The following RABL3 variants were observed in gnomAD, a reference collection of about 807,000 sequenced individuals.
RABL3 encodes rab-like protein 3.
A neutral mutation model predicts 31.8 loss-of-function variants in RABL3; 31 were observed. The observed-to-expected ratio is 0.97, with a 90% CI of 0.73 to 1.31. The LOEUF is 1.31. RABL3 is among the 40% of genes most tolerant of loss of function. The pLI is 0.00. For synonymous variants in RABL3, 97 were observed against 99.9 expected (o/e 0.97, Z 0.18); for missense variants, 263 against 279.6 (o/e 0.94, Z 0.42).
In RABL3 at chr3:120,691,019, TCTA is replaced by T. The variant is rs368436364; in HGVS notation, c.607-535_607-533del. Reference sequence around the variant, plus strand: ...GCAGTCTAATGACTGTTGTAAATTGTCTACTTTTTTTTAACTAACTGCACCCTT... The same window carrying T: ...GCAGTCTAATGACTGTTGTAAATTGTCTTTTTTTTAACTAACTGCACCCTT... On this transcript the variant is annotated intron_variant, in intron 6 of 7. Coordinates refer to ENST00000273375, the MANE Select transcript of RABL3 (RefSeq NM_173825.5). 6.4e-3 allele frequency among the ~76,000 whole-genome samples: 969 copies of T among 152,258 alleles called. 30 individuals are homozygous for T. In the South Asian group the frequency reaches 0.088, roughly 14 times the overall value.
rs1708545984 is a variant in RABL3, at chr3:120,706,111, A to T, written c.272T>A (p.Ile91Asn). The part of the protein sequence containing the change: ...RAVFYNSVNG[I>N]IFVHDLTNKK... The stretch of plus-strand genomic sequence containing the variant: ...ATTTGTTAAGTCGTGTACGAAAATA[A>T]TACCTAAAATAATCAGAGAAAACAA... The change falls in exon 4 of 8, where the codon ATT becomes AAT. Residue 91 changes from isoleucine to asparagine, a missense_variant. Coordinates refer to ENST00000273375, the MANE Select transcript of RABL3 (RefSeq NM_173825.5). 1 of 1,574,594 alleles carries T rather than the reference A, an allele frequency of 6.4e-7. No individual in the cohort carries two copies. Among genetic ancestry groups the T allele is most frequent in the African/African-American group, 1.3e-5 (1 of 74,074 alleles).
intron 1 of RABL3, among the ~76,000 whole-genome samples, chr3:120,739,317 C>A (rs1709012853): frequency 6.6e-6 from 1 of 151,576 alleles, no homozygotes; most frequent in Admixed American, 6.6e-5. Flanking sequence ...GCAGAGGCTG[C>A]AGTGAGCCGA....
At position 120,711,377 on chromosome 3, in the gene RABL3, G is replaced by T. The variant is rs545682592; in HGVS notation, c.139-1468C>A. Among the ~76,000 whole-genome samples, 4 of 152,126 alleles carry T rather than the reference G, an allele frequency of 2.6e-5. No individual in the cohort carries two copies. The South Asian group carries it at 8.3e-4, about 32-fold the overall frequency. ...CTTTAAAAAAATATGTCAAAAATCT[G>T]TTCATTTCTCCCTATCTCCACTATT... On this transcript the variant is annotated intron_variant, in intron 2 of 7. Coordinates refer to ENST00000273375, the MANE Select transcript of RABL3 (RefSeq NM_173825.5).
In RABL3 at chr3:120,709,859, T is replaced by C; in HGVS notation, c.189A>G (p.Glu63=). 6.2e-7 allele frequency: 1 copy of C among 1,610,840 alleles called. No individual in the cohort carries two copies. Among genetic ancestry groups the C allele is most frequent in the South Asian group, 1.1e-5 (1 of 90,970 alleles). The change falls in exon 3 of 8, where the codon GAA becomes GAG. Residue 63 remains glutamate (E), a synonymous_variant. Coordinates refer to ENST00000273375, the MANE Select transcript of RABL3 (RefSeq NM_173825.5). The stretch of plus-strand genomic sequence containing the variant: ...CCACAGAGCCTCCAACATCCCATAA[T>C]TCTATGTAGTAGGTCTTCTCTTCTG... The part of the protein sequence containing the change: ...GTPEEKTYYI[E]LWDVGGSVGS...
chr3:120,717,972 C>T (rs1005274390), intron 2 of RABL3, among the ~76,000 whole-genome samples: 4 of 152,182 alleles, frequency 2.6e-5, no homozygotes, highest in African/African-American at 9.7e-5. Flanking sequence ...CCACCAGCTA[C>T]ACTCAAGACA....
chr3:120,686,863 C>T lies in RABL3; in HGVS notation c.*2960G>A, dbSNP rs1310801333. On this transcript the variant is annotated 3_prime_UTR_variant, in exon 8 of 8. Transcript: ENST00000273375. ...ATAAACTGTGGAGAACTTAGCAAGT[C>T]CTATTTGTCCAGATTCTTCTTGGTG... is the stretch of plus-strand genomic sequence containing the variant. 1 of 151,950 alleles carries T rather than the reference C, an allele frequency of 6.6e-6. No individual in the cohort carries two copies. The highest frequency in any genetic ancestry group is 2.4e-5 in the African/African-American group (1 of 41,370). 9.4% of individuals were successfully genotyped at this position (151,950 alleles called of 1,614,324 possible). A position where few individuals can be genotyped will look rare whatever the true frequency, so the allele number is the denominator to read the frequency against.
chr3:120,691,666 A>G (rs1427624132), intron 6 of RABL3, among the ~76,000 whole-genome samples: 1 of 152,252 alleles, frequency 6.6e-6, no homozygotes, highest in East Asian at 1.9e-4. Flanking sequence ...ATATAACCCT[A>G]TCGCAAGTTG....
At chr3:120,736,676 G>T (rs549895460) in intron 1 of RABL3, among the ~76,000 whole-genome samples, 1 of 152,156 alleles carries the variant, frequency 6.6e-6, no homozygotes, top group East Asian at 1.9e-4. Context: ...GGTACCAGTT[G>T]TTCCTTTCCA....
At chr3:120,716,413 A>T (rs1381425100) in intron 2 of RABL3, among the ~76,000 whole-genome samples, 1 of 152,224 alleles carries the variant, frequency 6.6e-6, no homozygotes, top group Admixed American at 6.5e-5. Context: ...TACTGAGTAC[A>T]TACATTAAAC....
At chr3:120,692,398 C>T (rs1380344678) in intron 6 of RABL3, among the ~76,000 whole-genome samples, 1 of 152,168 alleles carries the variant, frequency 6.6e-6, no homozygotes, top group Non-Finnish European at 1.5e-5. Context: ...TGGGGTTTCA[C>T]CATGCTAGCC....
In RABL3 at chr3:120,709,648, T is replaced by A. The variant is rs1474376782; in HGVS notation, c.268+132A>T. 4.7e-6 allele frequency: 3 copies of A among 637,546 alleles called. No individual in the cohort carries two copies. The East Asian group carries it at 8.5e-5, about 18-fold the overall frequency. 39.5% of individuals were successfully genotyped at this position (637,546 alleles called of 1,614,324 possible). A position where few individuals can be genotyped will look rare whatever the true frequency, so the allele number is the denominator to read the frequency against. On this transcript the variant is annotated intron_variant, in intron 3 of 7. Transcript: ENST00000273375. ...CGCAAACTGGAATGTACTATGCAGA[T>A]TTAAATCAAGGGTTGTGAGTACATT...
chr3:120,696,673 A>G (rs1303723090), intron 5 of RABL3, among the ~76,000 whole-genome samples: 2 of 152,100 alleles, frequency 1.3e-5, no homozygotes, highest in Non-Finnish European at 2.9e-5. Context: ...AGAAACAGAT[A>G]CATTCTAAAA....
intron 5 of RABL3, among the ~76,000 whole-genome samples, chr3:120,695,529 A>C (rs1416514939): frequency 6.6e-6 from 1 of 152,194 alleles, no homozygotes; most frequent in Non-Finnish European, 1.5e-5. Context: ...ACTGGGTAGT[A>C]AAATATTAGT....
At chr3:120,708,981 T>C (rs777923822) in intron 3 of RABL3, among the ~76,000 whole-genome samples, 7 of 152,004 alleles carry the variant, frequency 4.6e-5, no homozygotes, top group Non-Finnish European at 7.4e-5. Context: ...ATAAATGCAA[T>C]GCTTACCTAA....
intron 5 of RABL3, among the ~76,000 whole-genome samples, 165 bp from the exon 6 acceptor site, chr3:120,694,389 A>G (rs1235118207): frequency 6.6e-6 from 1 of 152,194 alleles, no homozygotes; most frequent in Non-Finnish European, 1.5e-5. Flanking sequence ...AAAGGAGGAA[A>G]GTATTAAAGG....
At chr3:120,701,711 A>C (rs1315174509) in intron 4 of RABL3, among the ~76,000 whole-genome samples, 1 of 152,186 alleles carries the variant, frequency 6.6e-6, no homozygotes, top group Non-Finnish European at 1.5e-5. Flanking sequence ...ATATATACTC[A>C]AACTTATACT....
At chr3:120,694,748 C>T (rs1708417447) in intron 5 of RABL3, among the ~76,000 whole-genome samples, 1 of 152,044 alleles carries the variant, frequency 6.6e-6, no homozygotes. Context: ...CAAGGTACTA[C>T]ATCTTTTGGT....
chr3:120,685,138 C>T lies in RABL3; in HGVS notation c.*4685G>A, dbSNP rs1322462598. Among the ~76,000 whole-genome samples the T allele has an allele frequency of 6.6e-6, 1 of 152,106 alleles. No homozygotes were observed. The highest frequency in any genetic ancestry group is 1.5e-5 in the Non-Finnish European group (1 of 68,016). ...CTTCCCAGAGAAGACTATGTCTGAG[C>T]CAAGTCCCATAGAGTAAGAGTTGGA... On this transcript the variant is annotated 3_prime_UTR_variant, in exon 8 of 8. Transcript: ENST00000273375.
At chr3:120,732,408 T>G (rs1708895517) in intron 1 of RABL3, among the ~76,000 whole-genome samples, 1 of 152,328 alleles carries the variant, frequency 6.6e-6, no homozygotes, top group Non-Finnish European at 1.5e-5. Flanking sequence ...AACACATTAT[T>G]ACATGTGTTT....
Sources: allele counts gnomAD v4.1 joint callset (sites outside exome capture counted in the v4.1 genomes callset), GRCh38; gene constraint gnomAD v4.1.1; transcripts MANE v1.5; gene names NCBI Gene and HGNC (gene_info 2026-07-23, HGNC 2026-07-21).